SORCS1: variants seen among roughly 807,000 people sequenced by gnomAD.
SORCS1 encodes VPS10 domain-containing receptor SorCS1.
Under a neutral mutation model 146.1 loss-of-function variants are expected in SORCS1, and 60 were observed. That is an observed-to-expected ratio of 0.41 (90% CI 0.33 to 0.51). The LOEUF (loss-of-function observed/expected upper bound fraction) is 0.51, where lower values mean the gene tolerates loss of function less well. Among genes scored for constraint, SORCS1 ranks in the 20% least tolerant of loss-of-function variants. SORCS1 has a pLI of 0.21. For missense variants in SORCS1, 1,352 were observed against 1,487.6 expected (o/e 0.91, Z 1.50); for synonymous variants, 637 against 584.0 (o/e 1.09, Z -1.31).
At chr10:107,098,376 T>C (rs1405313627) in intron 1 of SORCS1, among the ~76,000 whole-genome samples, 1 of 152,244 alleles carries the variant, frequency 6.6e-6, no homozygotes, top group Non-Finnish European at 1.5e-5. Context: ...CTGCTTGCCA[T>C]ACTGAAGAAG....
At chr10:106,699,437 T>G (rs1476179577) in intron 8 of SORCS1, 44 bp from the exon 9 acceptor site, 1 of 1,530,278 alleles carries the variant, frequency 6.5e-7, no homozygotes, top group Non-Finnish European at 8.8e-7. Context: ...AAGAGTTTTA[T>G]ACATTAACCT....
At chr10:107,170,709 T>C in the SORCS1 span, among the ~76,000 whole-genome samples, 39 of 152,306 alleles carry the variant, frequency 2.6e-4, 1 homozygote, top group South Asian at 6.2e-3. Flanking sequence ...ATTAACTATT[T>C]TATGCTGCTT....
At chr10:106,967,472 T>C (rs985140331) in intron 1 of SORCS1, among the ~76,000 whole-genome samples, 2 of 151,898 alleles carry the variant, frequency 1.3e-5, no homozygotes, top group Non-Finnish European at 2.9e-5. Flanking sequence ...ATACAAAATG[T>C]GAGGAAAATG....
intron 3 of SORCS1, among the ~76,000 whole-genome samples, chr10:106,813,829 G>C (rs1947601095): frequency 6.6e-6 from 1 of 152,090 alleles, no homozygotes; most frequent in Non-Finnish European, 1.5e-5. Context: ...TCATGTGCCT[G>C]TCATCCCTAC....
At chr10:106,931,816 G>A (rs188714381) in intron 2 of SORCS1, among the ~76,000 whole-genome samples, 156 of 152,186 alleles carry the variant, frequency 1.0e-3, no homozygotes, top group Non-Finnish European at 1.7e-3. Flanking sequence ...GCCATGCTGT[G>A]TATTAACTAT....
intron 3 of SORCS1, among the ~76,000 whole-genome samples, chr10:106,799,735 G>A (rs1048252597): frequency 1.3e-5 from 2 of 152,270 alleles, no homozygotes; most frequent in African/African-American, 4.8e-5. Flanking sequence ...GAAACAACAC[G>A]TGCTGGAGAG....
chr10:107,032,433 T>C (rs995362296), intron 1 of SORCS1, among the ~76,000 whole-genome samples: 2 of 152,188 alleles, frequency 1.3e-5, no homozygotes, highest in South Asian at 2.1e-4. Flanking sequence ...TTTCTTTCGC[T>C]CTTCAGTTCA....
intron 2 of SORCS1, among the ~76,000 whole-genome samples, chr10:106,845,426 G>T (rs1589536558): frequency 1.5e-5 from 1 of 68,654 alleles, no homozygotes; most frequent in East Asian, 4.4e-4. Context: ...TTTTGATGGG[G>T]TTGTTTGTTT....
intron 1 of SORCS1, among the ~76,000 whole-genome samples, chr10:107,061,785 T>C (rs141910853): frequency 1.5e-3 from 230 of 152,290 alleles, no homozygotes; most frequent in African/African-American, 5.2e-3. Flanking sequence ...ATTTTGGAAA[T>C]AAGTAGGGCA....
intron 9 of SORCS1, among the ~76,000 whole-genome samples, chr10:106,697,798 C>T (rs1197720221): frequency 1.3e-5 from 2 of 152,152 alleles, no homozygotes; most frequent in Non-Finnish European, 2.9e-5. Flanking sequence ...AGAATACATA[C>T]AAGTGGCATC....
At chr10:107,166,719 T>G (rs1970060561), upstream of SORCS1, among the ~76,000 whole-genome samples, 1 of 152,220 alleles carries the variant, frequency 6.6e-6, no homozygotes, top group African/African-American at 2.4e-5. Context: ...TTCTATGCCC[T>G]GCTAACCTCC....
intron 2 of SORCS1, among the ~76,000 whole-genome samples, chr10:106,850,916 T>C (rs1181248118): frequency 6.6e-6 from 1 of 152,158 alleles, no homozygotes; most frequent in Non-Finnish European, 1.5e-5. Context: ...AAAACATCAC[T>C]ATCTTCTAGC....
intron 3 of SORCS1, among the ~76,000 whole-genome samples, chr10:106,800,526 TTTTTTTTTTTTTTA>T (rs1946811504): frequency 7.9e-6 from 1 of 126,534 alleles, no homozygotes; most frequent in Non-Finnish European, 1.8e-5. Context: ...TTTTTTTTTT[TTTTTTTTTTTTTTA>T]AGATGGAGTC....
chr10:107,057,100 G>C (rs973110791), intron 1 of SORCS1, among the ~76,000 whole-genome samples: 1 of 152,044 alleles, frequency 6.6e-6, no homozygotes, highest in South Asian at 2.1e-4. Context: ...AGCATGGCTA[G>C]GACACACAAA....
At chr10:106,964,173 C>T (rs540158492) in intron 1 of SORCS1, among the ~76,000 whole-genome samples, 1 of 152,266 alleles carries the variant, frequency 6.6e-6, no homozygotes, top group Admixed American at 6.5e-5. Flanking sequence ...GAGCAGGGAC[C>T]CAACACAATA....
At chr10:106,728,186 C>A (rs1171519449) in intron 6 of SORCS1, among the ~76,000 whole-genome samples, 1 of 152,136 alleles carries the variant, frequency 6.6e-6, no homozygotes, top group African/African-American at 2.4e-5. Flanking sequence ...CACGCACCAC[C>A]ACACTCAGCT....
intron 1 of SORCS1, among the ~76,000 whole-genome samples, chr10:107,049,636 T>G (rs1013648370): frequency 6.6e-6 from 1 of 152,170 alleles, no homozygotes; most frequent in Non-Finnish European, 1.5e-5. Context: ...GCATTGAAGT[T>G]TGTCTTTAAT....
At chr10:106,749,080 A>T (rs993708547) in intron 5 of SORCS1, among the ~76,000 whole-genome samples, 3 of 152,218 alleles carry the variant, frequency 2.0e-5, no homozygotes, top group Non-Finnish European at 4.4e-5. Flanking sequence ...AAATACCTGC[A>T]CAGGTGACAA....
chr10:107,122,709 GA>G (rs886390399), intron 1 of SORCS1, among the ~76,000 whole-genome samples: 14 of 148,308 alleles, frequency 9.4e-5, no homozygotes, highest in African/African-American at 2.7e-4. Flanking sequence ...AAGCAGGAAA[GA>G]AAAAAAAAAG....
Sources: allele counts gnomAD v4.1 joint callset (sites outside exome capture counted in the v4.1 genomes callset), GRCh38; gene constraint gnomAD v4.1.1; transcripts MANE v1.5; gene names NCBI Gene and HGNC (gene_info 2026-07-23, HGNC 2026-07-21).